EYA2: variants seen among roughly 807,000 people sequenced by gnomAD.
EYA2 encodes EYA transcriptional coactivator and phosphatase 2, also known as protein phosphatase EYA2.
A neutral mutation model predicts 69.2 loss-of-function variants in EYA2; 31 were observed. That is an observed-to-expected ratio of 0.45 (90% CI 0.34 to 0.60). The LOEUF (loss-of-function observed/expected upper bound fraction) is 0.60. Ranked by LOEUF, EYA2 falls within the 20% of genes least tolerant of loss-of-function variation. The probability of loss-of-function intolerance (pLI) is 0.02; values close to 1 mark genes in which losing one functional copy is unlikely to be tolerated. For synonymous variants in EYA2, 257 were observed against 279.4 expected (o/e 0.92, Z 0.80); for missense variants, 622 against 701.2 (o/e 0.89, Z 1.28).
intron 5 of EYA2, among the ~76,000 whole-genome samples, chr20:47,069,372 G>A (rs1038003422): frequency 6.6e-6 from 1 of 152,142 alleles, no homozygotes; most frequent in Admixed American, 6.5e-5. Flanking sequence ...GTGGGCACCT[G>A]TAATCCCTTG....
chr20:47,162,155 C>G (rs534605190), intron 10 of EYA2, among the ~76,000 whole-genome samples: 105 of 152,276 alleles, frequency 6.9e-4, no homozygotes, highest in African/African-American at 2.5e-3. Flanking sequence ...TGTCCAAATA[C>G]CCCCTTTATA....
At chr20:47,039,015 G>A (rs1984880982) in intron 5 of EYA2, among the ~76,000 whole-genome samples, 1 of 152,140 alleles carries the variant, frequency 6.6e-6, no homozygotes, top group South Asian at 2.1e-4. Flanking sequence ...CACCCAGCCT[G>A]GGTCCCTGGC....
intron 1 of EYA2, among the ~76,000 whole-genome samples, chr20:46,979,220 C>A (rs6124907): frequency 0.27 from 40,941 of 152,098 alleles, 6,192 homozygotes; most frequent in South Asian, 0.37. Context: ...TGCTTTTGAT[C>A]CCTCCCAGCC....
At chr20:47,039,943 C>T (rs6122547) in intron 5 of EYA2, among the ~76,000 whole-genome samples, 20,310 of 143,210 alleles carry the variant, frequency 0.14, 1,847 homozygotes, top group South Asian at 0.35. Context: ...CAGGTTCAAG[C>T]GGTTCTCCTG....
intron 2 of EYA2, among the ~76,000 whole-genome samples, chr20:46,992,092 G>A (rs564294384): frequency 1.3e-5 from 2 of 151,164 alleles, no homozygotes; most frequent in Non-Finnish European, 2.9e-5. Context: ...TCTCCCTTTT[G>A]TCCTTAATTG....
intron 9 of EYA2, among the ~76,000 whole-genome samples, chr20:47,133,112 C>T (rs1370869293): frequency 3.3e-5 from 5 of 152,126 alleles, no homozygotes; most frequent in African/African-American, 4.8e-5. Context: ...GATGTCCAAA[C>T]GTAGACCTAA....
chr20:46,917,311 G>A (rs988503192), intron 1 of EYA2, among the ~76,000 whole-genome samples: 4 of 152,218 alleles, frequency 2.6e-5, no homozygotes, highest in African/African-American at 9.7e-5. Flanking sequence ...TGCATGCACA[G>A]ACTCCCTGCC....
intron 10 of EYA2, among the ~76,000 whole-genome samples, chr20:47,144,076 G>A (rs868469342): frequency 2.6e-5 from 4 of 152,180 alleles, no homozygotes; most frequent in Non-Finnish European, 5.9e-5. Context: ...AAAGGCAACC[G>A]GCCGGGCGCG....
intron 10 of EYA2, among the ~76,000 whole-genome samples, chr20:47,146,698 C>T (rs970453006): frequency 6.6e-5 from 10 of 152,170 alleles, no homozygotes; most frequent in African/African-American, 2.4e-4. Flanking sequence ...CTGTGTGGAC[C>T]AGAGAGAGGC....
chr20:46,946,943 C>A (rs1399376172), intron 1 of EYA2, among the ~76,000 whole-genome samples: 2 of 152,220 alleles, frequency 1.3e-5, no homozygotes, highest in African/African-American at 4.8e-5. Flanking sequence ...ACAGCTCAAA[C>A]CTGGCCAGTT....
At chr20:46,976,126 C>T (rs373619447) in intron 1 of EYA2, among the ~76,000 whole-genome samples, 3 of 151,932 alleles carry the variant, frequency 2.0e-5, no homozygotes, top group East Asian at 1.9e-4. Flanking sequence ...CTCGGGAGGC[C>T]GAAGTAGGAG....
chr20:47,114,421 C>G lies in EYA2; in HGVS notation c.888+17253C>G, dbSNP rs138925867. On this transcript the variant is annotated intron_variant, in intron 9 of 15. Transcript: ENST00000327619. ...CCTGAGGTCAGGAGTTCGAGACCAGCCTGGCCGACATGGTGAAACCCCGTC... is the reference window on the plus strand; with the variant it reads ...CCTGAGGTCAGGAGTTCGAGACCAGGCTGGCCGACATGGTGAAACCCCGTC... 2.0e-5 allele frequency among the ~76,000 whole-genome samples: 3 copies of G among 152,238 alleles called. No homozygotes were observed. In the East Asian group the frequency reaches 5.8e-4, roughly 29 times the overall value.
intron 1 of EYA2, among the ~76,000 whole-genome samples, chr20:46,965,653 G>A (rs976904093): frequency 2.0e-5 from 3 of 152,236 alleles, no homozygotes; most frequent in African/African-American, 7.2e-5. Flanking sequence ...GACCCCACCT[G>A]GTTGGTTCAG....
chr20:47,002,290 T>C (rs980476555), intron 3 of EYA2, among the ~76,000 whole-genome samples: 14 of 152,176 alleles, frequency 9.2e-5, no homozygotes, highest in African/African-American at 3.4e-4. Context: ...TTGCTGCACC[T>C]GTCAACCCAT....
intron 10 of EYA2, among the ~76,000 whole-genome samples, chr20:47,148,133 T>G (rs1302404726): frequency 6.6e-6 from 1 of 151,978 alleles, no homozygotes; most frequent in Non-Finnish European, 1.5e-5. Context: ...TCTTAGGATA[T>G]TCTGCACGCA....
chr20:46,991,982 A>AAAAAT (rs1371045305), intron 2 of EYA2, among the ~76,000 whole-genome samples: 1 of 137,466 alleles, frequency 7.3e-6, no homozygotes, highest in Non-Finnish European at 1.6e-5. Context: ...AAAAAAAAAA[A>AAAAAT]AAAACGCTGA....
chr20:47,010,347 G>A (rs1197205851), intron 4 of EYA2, among the ~76,000 whole-genome samples: 1 of 68,232 alleles, frequency 1.5e-5, no homozygotes, highest in Admixed American at 1.9e-4. Context: ...CAGGTGGGCT[G>A]GGGCTGCCTA....
At chr20:46,957,081 A>T (rs1979167370) in intron 1 of EYA2, among the ~76,000 whole-genome samples, 1 of 152,206 alleles carries the variant, frequency 6.6e-6, no homozygotes, top group Non-Finnish European at 1.5e-5. Context: ...AAATTAAATG[A>T]CTTACTTGAG....
Position 47,083,875 on chromosome 20 carries a change from C to T in EYA2, c.662-5364C>T, listed in dbSNP as rs79557511. Among the ~76,000 whole-genome samples, 1,039 of 152,222 alleles carry T rather than the reference C, an allele frequency of 6.8e-3. 8 individuals are homozygous for T. Among genetic ancestry groups the T allele is most frequent in the African/African-American group, 0.024 (978 of 41,524 alleles). On this transcript the variant is annotated intron_variant, in intron 7 of 15. Coordinates refer to ENST00000327619, the MANE Select transcript of EYA2 (RefSeq NM_005244.5). ...AGAAAAATAATTGCAAGGCATATCT[C>T]GAATAAAGCATGTGTTTATATAGAA...
Sources: gnomAD v4.1 joint callset for allele counts (sites outside exome capture counted in the v4.1 genomes callset) on GRCh38, gnomAD v4.1.1 for gene constraint, MANE v1.5 for transcripts, NCBI Gene and HGNC (gene_info 2026-07-23, HGNC 2026-07-21) for gene names.